MAL: variants seen among roughly 807,000 people sequenced by gnomAD.
MAL encodes mal, T cell differentiation protein (MAL blood group).
In MAL, 5 loss-of-function variants were observed where a neutral mutation model predicts 16.7. That is an observed-to-expected ratio of 0.30 (90% CI 0.16 to 0.63). MAL has a LOEUF of 0.63. Ranked by LOEUF, MAL falls within the 30% of genes least tolerant of loss-of-function variation. The pLI is 0.82. For missense variants in MAL, 202 were observed against 195.8 expected (o/e 1.03, Z -0.19); for synonymous variants, 96 against 85.5 (o/e 1.12, Z -0.67).
chr2:95,030,049 C>G (rs1674038087), intron 1 of MAL, among the ~76,000 whole-genome samples: 1 of 152,176 alleles, frequency 6.6e-6, no homozygotes, highest in Non-Finnish European at 1.5e-5. Context: ...CGCAGATGTC[C>G]AAGCTGATCC....
intron 1 of MAL, among the ~76,000 whole-genome samples, chr2:95,036,865 C>CTGAGTGACTGAG (rs1674225222): frequency 8.6e-6 from 1 of 115,900 alleles, no homozygotes; most frequent in Non-Finnish European, 1.8e-5. Flanking sequence ...GAGTGAGTGA[C>CTGAGTGACTGAG]TGAGTGACTG....
At chr2:95,046,786 A>T (rs1405659270) in intron 1 of MAL, among the ~76,000 whole-genome samples, 3 of 152,146 alleles carry the variant, frequency 2.0e-5, no homozygotes, top group South Asian at 4.2e-4. Context: ...GGACTTGGGA[A>T]TATAAACAGT....
chr2:95,046,876 GGAGA>G (rs973472594), intron 1 of MAL, among the ~76,000 whole-genome samples: 17 of 142,298 alleles, frequency 1.2e-4, no homozygotes, highest in South Asian at 1.1e-3. Flanking sequence ...AAAGAGAAAG[GGAGA>G]GAGAGAGAGA....
At chr2:95,032,465 G>T (rs3105098) in intron 1 of MAL, among the ~76,000 whole-genome samples, 1 of 152,136 alleles carries the variant, frequency 6.6e-6, no homozygotes, top group Non-Finnish European at 1.5e-5. Flanking sequence ...CCCCTCCAGT[G>T]TCAGTGCCGG....
At chr2:95,039,621 GGTGA>G (rs926345160) in intron 1 of MAL, among the ~76,000 whole-genome samples, 3 of 144,532 alleles carry the variant, frequency 2.1e-5, no homozygotes, top group Admixed American at 6.8e-5. Context: ...AGTGACAGTG[GGTGA>G]GTGAGTGACT....
In MAL at chr2:95,053,577, C is replaced by T; in HGVS notation, c.*122C>T. Reference sequence around the variant, plus strand: ...TGGAAAAAAGAAAACAACCACCCCCCCACTGCCCAAAAAAAAAAGCCCTGC... The same window carrying T: ...TGGAAAAAAGAAAACAACCACCCCCTCACTGCCCAAAAAAAAAAGCCCTGC... On this transcript the variant is annotated 3_prime_UTR_variant, in exon 4 of 4. Transcript: ENST00000309988. The T allele has an allele frequency of 2.7e-6, 2 of 740,362 alleles. No individual in the cohort carries two copies. The highest frequency in any genetic ancestry group is 4.5e-6 in the Non-Finnish European group (2 of 445,356). 45.9% of individuals were successfully genotyped at this position (740,362 alleles called of 1,614,324 possible). A position where few individuals can be genotyped will look rare whatever the true frequency, so the allele number is the denominator to read the frequency against.
chr2:95,052,532 G>A (rs1558663251), intron 3 of MAL, among the ~76,000 whole-genome samples: 1 of 152,254 alleles, frequency 6.6e-6, no homozygotes, highest in Non-Finnish European at 1.5e-5. Flanking sequence ...TGGGATTGAT[G>A]AGCATTTTCA....
At chr2:95,030,094 C>T (rs1209361034) in intron 1 of MAL, among the ~76,000 whole-genome samples, 1 of 152,180 alleles carries the variant, frequency 6.6e-6, no homozygotes, top group African/African-American at 2.4e-5. Context: ...AGGGGACTGC[C>T]CACTGGAGCA....
chr2:95,045,717 G>A lies in MAL; in HGVS notation c.94-2242G>A, dbSNP rs114580901. On this transcript the variant is annotated intron_variant, in intron 1 of 3. Coordinates refer to ENST00000309988, the MANE Select transcript of MAL (RefSeq NM_002371.4). ...CTCCCTCTTCCCACTGGATGTGCCC[G>A]CTGGATCCTCCTCCTATTTCTCCAT... Among the ~76,000 whole-genome samples, 309 of 152,308 alleles carry A rather than the reference G, an allele frequency of 2.0e-3. 1 individual carries two copies. Among genetic ancestry groups the A allele is most frequent in the African/African-American group, 6.0e-3 (250 of 41,554 alleles).
At chr2:95,037,513 TGAGTGAGTGAGCAAGC>T in intron 1 of MAL, among the ~76,000 whole-genome samples, 1 of 150,926 alleles carries the variant, frequency 6.6e-6, no homozygotes, top group East Asian at 2.0e-4. Context: ...ACTGAGTGAG[TGAGTGAGTGAGCAAGC>T]GAGTGAGTGA....
chr2:95,032,246 A>C (rs1674102016), intron 1 of MAL, among the ~76,000 whole-genome samples: 1 of 152,262 alleles, frequency 6.6e-6, no homozygotes. Flanking sequence ...GGCGAGGGGC[A>C]GAGCATATTG....
chr2:95,035,667 ATT>A (rs747522452), intron 1 of MAL, among the ~76,000 whole-genome samples: 73 of 130,928 alleles, frequency 5.6e-4, no homozygotes, highest in African/African-American at 1.4e-3. Context: ...CAGCTCTTAG[ATT>A]TTTTTTTTTT....
intron 1 of MAL, among the ~76,000 whole-genome samples, chr2:95,039,942 A>T (rs1674403697): frequency 6.6e-6 from 1 of 152,128 alleles, no homozygotes; most frequent in African/African-American, 2.4e-5. Flanking sequence ...GAGCCGCAGG[A>T]CTTTGCGGAA....
chr2:95,037,457 T>A (rs1020331929), intron 1 of MAL, among the ~76,000 whole-genome samples: 7 of 150,958 alleles, frequency 4.6e-5, no homozygotes, highest in African/African-American at 1.7e-4. Context: ...AGTGAGTGAC[T>A]GAGTGACTAA....
rs34383647 is a variant in MAL at position 95,053,067 on chromosome 2, G to A, written c.388-314G>A. Reference sequence around the variant, plus strand: ...CCTGCCTGAGATGCTTTCATTGGAGGGGTCTTTGAGGACTCCATCTCAAGT... The same window carrying A: ...CCTGCCTGAGATGCTTTCATTGGAGAGGTCTTTGAGGACTCCATCTCAAGT... On this transcript the variant is annotated intron_variant, in intron 3 of 3. Transcript: ENST00000309988. 4.5e-3 allele frequency: 1,272 copies of A among 284,562 alleles called. 12 individuals carry two copies. The highest frequency in any genetic ancestry group is 0.025 in the African/African-American group (1,134 of 46,242). The allele number at this position is 284,562 out of a possible 1,614,324, so 17.6% of individuals were successfully genotyped here. A position where few individuals can be genotyped will look rare whatever the true frequency, so the allele number is the denominator to read the frequency against.
At chr2:95,044,758 C>T (rs1401352804) in intron 1 of MAL, 1 of 152,278 alleles carries the variant, frequency 6.6e-6, no homozygotes, top group Non-Finnish European at 1.5e-5. Flanking sequence ...AGAGTCTGGC[C>T]TGACCTCAAG....
chr2:95,052,216 A>C (rs775123048), intron 3 of MAL, among the ~76,000 whole-genome samples: 8 of 152,166 alleles, frequency 5.3e-5, no homozygotes, highest in Admixed American at 2.6e-4. Flanking sequence ...GGGCTTTCTG[A>C]AGCCAAAATT....
At chr2:95,052,036 TG>T (rs1432148906) in intron 3 of MAL, among the ~76,000 whole-genome samples, 3 of 152,236 alleles carry the variant, frequency 2.0e-5, no homozygotes, top group Admixed American at 1.3e-4. Context: ...AATTAGGGTC[TG>T]TTCCAAGCTG....
At chr2:95,045,853 C>G (rs1275001293) in intron 1 of MAL, among the ~76,000 whole-genome samples, 4 of 152,112 alleles carry the variant, frequency 2.6e-5, no homozygotes. Context: ...ATCTTAAACT[C>G]AACTGTGGAT....
Sources: gnomAD v4.1 joint callset for allele counts (sites outside exome capture counted in the v4.1 genomes callset) on GRCh38, gnomAD v4.1.1 for gene constraint, MANE v1.5 for transcripts, NCBI Gene and HGNC (gene_info 2026-07-23, HGNC 2026-07-21) for gene names.